The following ARHGEF28 variants were observed in gnomAD, a reference collection of about 807,000 sequenced individuals.
The protein encoded by ARHGEF28 is Rho guanine nucleotide exchange factor 28.
A neutral mutation model predicts 206.6 loss-of-function variants in ARHGEF28; 152 were observed. The observed-to-expected ratio is 0.74, with a 90% CI of 0.64 to 0.84. The LOEUF (loss-of-function observed/expected upper bound fraction) is 0.84. Ranked by LOEUF, ARHGEF28 falls within the 40% of genes least tolerant of loss-of-function variation. The pLI is 0.00. For synonymous variants in ARHGEF28, 763 were observed against 776.4 expected (o/e 0.98, Z 0.29); for missense variants, 2,028 against 2,073.2 (o/e 0.98, Z 0.42).
At chr5:73,699,051 C>T (rs543712575) in intron 2 of ARHGEF28, among the ~76,000 whole-genome samples, 127 of 152,166 alleles carry the variant, frequency 8.3e-4, no homozygotes, top group Non-Finnish European at 1.5e-3. Context: ...CTTAATTTTG[C>T]GAACCCTTTT....
Position 73,893,320 on chromosome 5 carries a change from G to T in ARHGEF28, c.3658+32G>T, listed in dbSNP as rs2973529. 5 of 1,502,838 alleles carry T rather than the reference G, an allele frequency of 3.3e-6. No homozygotes were observed. The East Asian group carries it at 1.0e-4, about 30-fold the overall frequency. 93.1% of individuals were successfully genotyped at this position (1,502,838 alleles called of 1,614,324 possible). On this transcript the variant is annotated intron_variant, in intron 28 of 35. Coordinates refer to ENST00000513042, the MANE Select transcript of ARHGEF28 (RefSeq NM_001177693.2). Reference sequence around the variant, plus strand: ...TGCAGGCACTTCTGGCTCCCTGGTCGTGGTGTTCTCCTGGGTGTTGGGAAA... The same window carrying T: ...TGCAGGCACTTCTGGCTCCCTGGTCTTGGTGTTCTCCTGGGTGTTGGGAAA...
intron 9 of ARHGEF28, among the ~76,000 whole-genome samples, chr5:73,799,797 A>T (rs930211913): frequency 1.3e-5 from 2 of 152,266 alleles, no homozygotes; most frequent in Non-Finnish European, 1.5e-5. Context: ...TGATAGGGAG[A>T]TAGAGACACT....
At chr5:73,914,008 G>C (rs146541443) in intron 35 of ARHGEF28, among the ~76,000 whole-genome samples, 2 of 152,284 alleles carry the variant, frequency 1.3e-5, no homozygotes, top group African/African-American at 4.8e-5. Context: ...GGGAAAAATT[G>C]TATATAAAAA....
chr5:73,830,689 G>A (rs1412993215), intron 9 of ARHGEF28, among the ~76,000 whole-genome samples: 5 of 152,148 alleles, frequency 3.3e-5, no homozygotes, highest in Non-Finnish European at 4.4e-5. Context: ...TGAAGCCAGG[G>A]CCATTTGACT....
chr5:73,773,875 C>A lies in ARHGEF28; in HGVS notation c.496C>A (p.Leu166Ile). ...TTCAGTATCTTCTCACAGAGAATCT[C>A]TTCTACACCTGGCTATGAGATGGGG... Reference protein sequence around the residue: ...SLEVSSHRESLLHLAMRWGLA... With the variant: ...SLEVSSHRESILHLAMRWGLA... Residue 166 changes from leucine (L) to isoleucine (I), a missense_variant, in exon 5 of 36, where the codon CTT becomes ATT. This residue lies in a region of ARHGEF28 where 1,002 missense variants were observed against 1,015.3 expected (regional missense o/e 0.99). Transcript: ENST00000513042. The A allele has an allele frequency of 6.2e-7, 1 of 1,606,510 alleles. No individual in the cohort carries two copies. The highest frequency in any genetic ancestry group is 2.2e-5 in the East Asian group (1 of 44,760).
chr5:73,931,727 A>G (rs1397827416), intron 35 of ARHGEF28, among the ~76,000 whole-genome samples: 2 of 152,148 alleles, frequency 1.3e-5, no homozygotes, highest in Non-Finnish European at 1.5e-5. Context: ...GATAGTAACT[A>G]TGGTTTTTGG....
intron 18 of ARHGEF28, among the ~76,000 whole-genome samples, chr5:73,866,591 AC>A (rs1288773914): frequency 6.6e-6 from 1 of 152,268 alleles, no homozygotes; most frequent in Admixed American, 6.5e-5. Context: ...CTTTAGAATG[AC>A]CGTGAAATTT....
intron 2 of ARHGEF28, among the ~76,000 whole-genome samples, chr5:73,723,393 G>A (rs950322665): frequency 9.2e-5 from 14 of 152,096 alleles, no homozygotes; most frequent in East Asian, 5.8e-4. Context: ...TCACCATGTT[G>A]GCCAGGTTGG....
chr5:73,781,124 T>C (rs1357162213), intron 7 of ARHGEF28, among the ~76,000 whole-genome samples: 1 of 152,212 alleles, frequency 6.6e-6, no homozygotes, highest in Non-Finnish European at 1.5e-5. Flanking sequence ...CTCCTACTTT[T>C]TGCTAAGCAA....
intron 30 of ARHGEF28, chr5:73,899,562 G>A (rs1321294668): frequency 1.3e-5 from 2 of 152,300 alleles, no homozygotes; most frequent in African/African-American, 4.8e-5. Flanking sequence ...GGCCTCTTCA[G>A]TTCTGGGTCA....
intron 1 of ARHGEF28, among the ~76,000 whole-genome samples, chr5:73,640,652 A>C (rs1744019142): frequency 6.6e-6 from 1 of 152,196 alleles, no homozygotes; most frequent in South Asian, 2.1e-4. Flanking sequence ...GGAGGGTTTA[A>C]ATCTAGCTTA....
chr5:73,652,656 T>C (rs573982227), intron 1 of ARHGEF28, among the ~76,000 whole-genome samples: 2 of 152,326 alleles, frequency 1.3e-5, no homozygotes, highest in South Asian at 2.1e-4. Context: ...TCAGAAATAT[T>C]GCTCCGAAAA....
Position 73,870,051 on chromosome 5 carries a change from T to C in ARHGEF28, c.2426-18T>C. On this transcript the variant is annotated intron_variant, in intron 20 of 35. Transcript: ENST00000513042. ...GCATTATTGTACTTCTGGCTTTTCT[T>C]TTCTAAACACACATTAGATGTTGTG... The C allele has an allele frequency of 1.2e-6, 2 of 1,605,736 alleles. No homozygotes were observed. Among genetic ancestry groups the C allele is most frequent in the African/African-American group, 1.3e-5 (1 of 74,266 alleles).
chr5:73,797,805 T>C (rs1754907924), intron 9 of ARHGEF28, among the ~76,000 whole-genome samples: 1 of 152,220 alleles, frequency 6.6e-6, no homozygotes, highest in Admixed American at 6.5e-5. Flanking sequence ...CTGACTTGTA[T>C]TATTCAGAAT....
intron 35 of ARHGEF28, among the ~76,000 whole-genome samples, chr5:73,932,834 A>T (rs1368653248): frequency 9.9e-6 from 1 of 100,554 alleles, no homozygotes; most frequent in African/African-American, 4.2e-5. Flanking sequence ...TTTGAGACAG[A>T]GTTTCGCTCT....
intron 22 of ARHGEF28, among the ~76,000 whole-genome samples, chr5:73,874,043 C>T (rs1169892432): frequency 2.6e-5 from 4 of 152,272 alleles, no homozygotes; most frequent in South Asian, 2.1e-4. Flanking sequence ...CTGATATTGA[C>T]ACTATTTTTA....
chr5:73,852,758 C>A (rs1758784399), intron 14 of ARHGEF28, 66 bp downstream of exon 14: 3 of 1,526,448 alleles, frequency 2.0e-6, no homozygotes, highest in East Asian at 2.2e-5. Flanking sequence ...GTCCACACAT[C>A]ATTTTTGCTA....
chr5:73,684,555 T>G (rs1346228231), intron 1 of ARHGEF28, among the ~76,000 whole-genome samples: 1 of 152,262 alleles, frequency 6.6e-6, no homozygotes, highest in East Asian at 1.9e-4. Context: ...AATTTCTGTT[T>G]GAGTCCCTGC....
intron 4 of ARHGEF28, among the ~76,000 whole-genome samples, chr5:73,765,380 A>T (rs1441945315): frequency 1.3e-5 from 2 of 152,134 alleles, no homozygotes; most frequent in Non-Finnish European, 2.9e-5. Flanking sequence ...GCAGTATGAT[A>T]CTCTTGTGAT....
Sources: allele counts gnomAD v4.1 joint callset (sites outside exome capture counted in the v4.1 genomes callset), GRCh38; gene constraint gnomAD v4.1.1; regional missense constraint gnomAD v4.1.1; transcripts MANE v1.5; gene names NCBI Gene and HGNC (gene_info 2026-07-23, HGNC 2026-07-21).